MYO3A: variants seen among roughly 807,000 people sequenced by gnomAD.
MYO3A encodes the protein myosin IIIA.
A neutral mutation model predicts 192.7 loss-of-function variants in MYO3A; 180 were observed. The observed-to-expected ratio is 0.93, with a 90% CI of 0.83 to 1.06. MYO3A has a LOEUF of 1.06. Among genes scored for constraint, MYO3A ranks in the 50% least tolerant of loss-of-function variants. MYO3A has a pLI of 0.00. For synonymous variants in MYO3A, 628 were observed against 645.3 expected (o/e 0.97, Z 0.41); for missense variants, 1,896 against 1,905.0 (o/e 1.00, Z 0.09).
intron 4 of MYO3A, among the ~76,000 whole-genome samples, chr10:25,984,987 C>T (rs976685674): frequency 6.6e-6 from 1 of 152,136 alleles, no homozygotes; most frequent in African/African-American, 2.4e-5. Flanking sequence ...CCTGTAATCC[C>T]GGCACTTTGG....
chr10:25,954,882 C>G lies in MYO3A; in HGVS notation c.177C>G (p.Asp59Glu). ...VKILDPIHDI[D>E]EEIEAEYNIL... ...TGACTTTTTGAAACTAGGATATTGA[C>G]GAAGAGATTGAAGCAGAATATAACA... Residue 59 changes from aspartate (D) to glutamate (E), a missense_variant, in exon 4 of 35, where the codon GAC (aspartate) becomes GAG (glutamate). Physicochemically the swap from Asp to Glu is conservative, Grantham distance 45. Coordinates refer to ENST00000642920, the MANE Select transcript of MYO3A (RefSeq NM_017433.5). 1 of 1,611,888 alleles carries G rather than the reference C, an allele frequency of 6.2e-7. No homozygotes were observed. The highest frequency in any genetic ancestry group is 8.5e-7 in the Non-Finnish European group (1 of 1,178,542).
Position 26,008,058 on chromosome 10 carries a change from G to A in MYO3A, c.509-8762G>A, listed in dbSNP as rs1049860717. On this transcript the variant is annotated intron_variant, in intron 6 of 34. Coordinates refer to ENST00000642920, the MANE Select transcript of MYO3A (RefSeq NM_017433.5). ...AGATATAGATCAATGGAACAGAACAGAGCCCTCAGAAATAACGCCGCATAT... is the reference window on the plus strand; with the variant it reads ...AGATATAGATCAATGGAACAGAACAAAGCCCTCAGAAATAACGCCGCATAT... 4.6e-4 allele frequency among the ~76,000 whole-genome samples: 69 copies of A among 149,582 alleles called. 1 individual carries two copies. The highest frequency in any genetic ancestry group is 1.7e-3 in the African/African-American group (67 of 39,330).
At chr10:26,005,632 A>AG (rs1841147932) in intron 6 of MYO3A, among the ~76,000 whole-genome samples, 1 of 152,164 alleles carries the variant, frequency 6.6e-6, no homozygotes, top group Non-Finnish European at 1.5e-5. Context: ...CAGGAATAAA[A>AG]GTACTTTGTA....
chr10:26,150,449 C>T (rs926212124), intron 23 of MYO3A, among the ~76,000 whole-genome samples: 4 of 152,200 alleles, frequency 2.6e-5, no homozygotes, highest in African/African-American at 9.7e-5. Flanking sequence ...ATGAAGCCAA[C>T]TGGGCCTGAA....
At chr10:26,106,581 T>A (rs548094464) in intron 17 of MYO3A, among the ~76,000 whole-genome samples, 180 of 152,232 alleles carry the variant, frequency 1.2e-3, no homozygotes, top group African/African-American at 4.1e-3. Flanking sequence ...TGAGTCTAGT[T>A]TCTGATTTTA....
chr10:25,958,876 G>T (rs1837732438), intron 4 of MYO3A, among the ~76,000 whole-genome samples: 1 of 149,924 alleles, frequency 6.7e-6, no homozygotes, highest in Admixed American at 6.7e-5. Context: ...TTTTTATCTG[G>T]CTTTCACCTC....
chr10:26,077,154 A>C (rs1030698667), intron 14 of MYO3A, among the ~76,000 whole-genome samples: 1 of 145,358 alleles, frequency 6.9e-6, no homozygotes, highest in Non-Finnish European at 1.5e-5. Flanking sequence ...CATTCATGTC[A>C]TCTATGATTT....
chr10:26,064,194 C>G (rs1834673433), intron 10 of MYO3A, among the ~76,000 whole-genome samples: 1 of 152,070 alleles, frequency 6.6e-6, no homozygotes, highest in African/African-American at 2.4e-5. Context: ...GACAAGGGCT[C>G]ACCAGGAAAA....
At chr10:26,009,501 G>T (rs1041515946) in intron 6 of MYO3A, among the ~76,000 whole-genome samples, 1 of 152,224 alleles carries the variant, frequency 6.6e-6, no homozygotes, top group Non-Finnish European at 1.5e-5. Flanking sequence ...AGCTGAGACT[G>T]CTTGCTGCCT....
rs192250408 is a variant in MYO3A at position 26,079,471 on chromosome 10, A to G, written c.1360-8732A>G. On this transcript the variant is annotated intron_variant, in intron 14 of 34. Transcript: ENST00000642920. ...CCATTCTGCAGTTCCGTATCTTTTA[A>G]GTGGAGCCTTTAGGACATTTACATT... Among the ~76,000 whole-genome samples the G allele has an allele frequency of 2.0e-5, 3 of 152,318 alleles. No homozygotes were observed. In the East Asian group the frequency reaches 5.8e-4, roughly 29 times the overall value.
chr10:26,157,802 T>C (rs1408449666), intron 26 of MYO3A, among the ~76,000 whole-genome samples: 1 of 152,174 alleles, frequency 6.6e-6, no homozygotes, highest in Non-Finnish European at 1.5e-5. Flanking sequence ...CCACTTGCTA[T>C]GTGACTGTAG....
intron 17 of MYO3A, among the ~76,000 whole-genome samples, chr10:26,113,476 C>CAAAAAAAAAAAAAAAA (rs5783961): frequency 1.4e-5 from 2 of 138,164 alleles, no homozygotes. Context: ...CTCAAAAAAA[C>CAAAAAAAAAAAAAAAA]AAAAAAAAAA....
At chr10:26,124,812 A>C (rs1403842256) in intron 18 of MYO3A, among the ~76,000 whole-genome samples, 1 of 152,242 alleles carries the variant, frequency 6.6e-6, no homozygotes, top group East Asian at 1.9e-4. Context: ...TTGTTCAAAC[A>C]TCCAGTTTTA....
Position 25,952,177 on chromosome 10 carries a change from A to G in MYO3A, c.67A>G (p.Ile23Val). The G allele has an allele frequency of 6.2e-7, 1 of 1,612,484 alleles. No individual in the cohort carries two copies. The highest frequency in any genetic ancestry group is 8.5e-7 in the Non-Finnish European group (1 of 1,178,876). Reference protein sequence around the residue: ...NFPDPSDTWEITETIGKGTYG... With the variant: ...NFPDPSDTWEVTETIGKGTYG... ...TCCTGATCCTTCTGATACATGGGAA[A>G]TCACTGAGACAATTGGCAAAGGAAC... Residue 23 changes from isoleucine to valine, a missense_variant, in exon 3 of 35, where the codon ATC (isoleucine) becomes GTC (valine). Ile to Val is a conservative substitution (Grantham distance 29). Coordinates refer to ENST00000642920, the MANE Select transcript of MYO3A (RefSeq NM_017433.5).
intron 4 of MYO3A, among the ~76,000 whole-genome samples, chr10:25,961,512 C>T (rs1225591910): frequency 6.6e-6 from 1 of 151,806 alleles, no homozygotes; most frequent in Non-Finnish European, 1.5e-5. Flanking sequence ...GAATTTTGTC[C>T]TTATAATTTA....
intron 4 of MYO3A, among the ~76,000 whole-genome samples, chr10:25,983,272 T>C (rs1477668615): frequency 6.6e-6 from 1 of 151,732 alleles, no homozygotes; most frequent in African/African-American, 2.4e-5. Flanking sequence ...TTTTTTTTTT[T>C]TGAGACAAAT....
chr10:26,181,590 A>C (rs1027841920), intron 31 of MYO3A, among the ~76,000 whole-genome samples: 1 of 152,166 alleles, frequency 6.6e-6, no homozygotes, highest in Middle Eastern at 3.2e-3. Flanking sequence ...AAATAAGCAT[A>C]TATATGACCA....
At chr10:26,042,162 G>T (rs1038649024) in intron 10 of MYO3A, among the ~76,000 whole-genome samples, 1 of 152,054 alleles carries the variant, frequency 6.6e-6, no homozygotes, top group Non-Finnish European at 1.5e-5. Context: ...GGCCTGTAAG[G>T]TTTCCACTAA....
intron 4 of MYO3A, among the ~76,000 whole-genome samples, chr10:25,991,572 A>T (rs1588717575): frequency 6.6e-6 from 1 of 152,086 alleles, no homozygotes; most frequent in Non-Finnish European, 1.5e-5. Context: ...GGTGTTTTAG[A>T]CATGAAGTCC....
Sources: gnomAD v4.1 joint callset for allele counts (sites outside exome capture counted in the v4.1 genomes callset) on GRCh38, gnomAD v4.1.1 for gene constraint, MANE v1.5 for transcripts, NCBI Gene and HGNC (gene_info 2026-07-23, HGNC 2026-07-21) for gene names.